The following ZNF577 variants were observed in gnomAD, a reference collection of about 807,000 sequenced individuals.
ZNF577 encodes the protein zinc finger protein 577.
Under a neutral mutation model 13.9 loss-of-function variants are expected in ZNF577, and 14 were observed. That is an observed-to-expected ratio of 1.00 (90% confidence interval 0.66 to 1.57). The LOEUF (loss-of-function observed/expected upper bound fraction) is 1.57, where lower values mean the gene tolerates loss of function less well. ZNF577 is among the 40% of genes most tolerant of loss of function. The pLI is 0.00. For synonymous variants in ZNF577, 203 were observed against 202.9 expected (o/e 1.00, Z 0.00); for missense variants, 555 against 579.2 (o/e 0.96, Z 0.43).
At chr19:51,828,479 T>G (rs2084243193) in intron 9 of ZNF577, among the ~76,000 whole-genome samples, 1 of 152,144 alleles carries the variant, frequency 6.6e-6, no homozygotes, top group Non-Finnish European at 1.5e-5. Context: ...CTTCCTCCAC[T>G]GCCAGGACAG....
intron 9 of ZNF577, among the ~76,000 whole-genome samples, chr19:51,817,115 A>G (rs2084142774): frequency 6.6e-6 from 1 of 152,180 alleles, no homozygotes; most frequent in Non-Finnish European, 1.5e-5. Context: ...GGTTTCTAAG[A>G]TGAGTAGTTT....
At chr19:51,883,731 T>C (rs1035108833) in intron 1 of ZNF577, among the ~76,000 whole-genome samples, 1 of 152,026 alleles carries the variant, frequency 6.6e-6, no homozygotes, top group African/African-American at 2.4e-5. Context: ...TAAAAGACAA[T>C]GATGAGATGA....
chr19:51,865,100 AT>A (rs905420722), downstream of ZNF577, among the ~76,000 whole-genome samples: 18 of 150,854 alleles, frequency 1.2e-4, no homozygotes, highest in Admixed American at 4.0e-4. Flanking sequence ...TTTCCCAAAG[AT>A]TTTTTTTTTC....
At chr19:51,878,550 T>A (rs759840935) in intron 3 of ZNF577, 35 bp from the exon 4 acceptor site, 1 of 1,611,804 alleles carries the variant, frequency 6.2e-7, no homozygotes, top group Non-Finnish European at 8.5e-7. Context: ...CTGAGGTGGA[T>A]AACAATAGAT....
At chr19:51,805,927 G>A (rs575821349) in intron 10 of ZNF577, among the ~76,000 whole-genome samples, 95 of 152,218 alleles carry the variant, frequency 6.2e-4, no homozygotes, top group African/African-American at 2.3e-3. Context: ...CCTAGCCCAG[G>A]GATGCAACCT....
At chr19:51,885,514 T>C (rs2122734198) in intron 1 of ZNF577, among the ~76,000 whole-genome samples, 1 of 152,338 alleles carries the variant, frequency 6.6e-6, no homozygotes, top group East Asian at 1.9e-4. Context: ...GTATATGCTC[T>C]ATTGACTTTT....
intron 5 of ZNF577, among the ~76,000 whole-genome samples, chr19:51,855,352 T>A (rs1436922668): frequency 6.9e-6 from 1 of 145,700 alleles, no homozygotes; most frequent in Non-Finnish European, 1.5e-5. Context: ...AGTTTTCCAC[T>A]CTTTGCTGAG....
At chr19:51,831,836 T>C (rs2084262542) in intron 9 of ZNF577, among the ~76,000 whole-genome samples, 1 of 152,224 alleles carries the variant, frequency 6.6e-6, no homozygotes. Flanking sequence ...TTCTCAAACA[T>C]ACCAAATCAT....
In ZNF577 at chr19:51,850,937, C is replaced by T. The variant is rs144862543; in HGVS notation, c.284-6006G>A. On this transcript the variant is annotated intron_variant and NMD_transcript_variant, in intron 5 of 10. Transcript: ENST00000638827. ...AAGATACAAAACATTGTGTATAGTA[C>T]GGTGTAGTTAGTAAGTTGAAGGTGA... 1.5e-3 allele frequency among the ~76,000 whole-genome samples: 224 copies of T among 152,134 alleles called. 1 individual carries two copies. The highest frequency in any genetic ancestry group is 5.2e-3 in the African/African-American group (215 of 41,482).
Position 51,868,391 on chromosome 19 carries a change from GC to G in ZNF577, c.*4140del, listed in dbSNP as rs1414348509. On this transcript the variant is annotated 3_prime_UTR_variant, in exon 6 of 6. Coordinates refer to ENST00000638348, the MANE Select transcript of ZNF577 (RefSeq NM_001370449.1). The stretch of plus-strand genomic sequence containing the variant: ...ACCCATGCCCTGAGTCCCCTCCCCA[GC>G]CTCCAACATGGGATCCATCTGGCCC... Among the ~76,000 whole-genome samples the G allele has an allele frequency of 5.9e-5, 9 of 152,188 alleles. No homozygotes were observed. The highest frequency in any genetic ancestry group is 2.1e-4 in the South Asian group (1 of 4,816).
intron 10 of ZNF577, among the ~76,000 whole-genome samples, chr19:51,808,878 C>T (rs1015198153): frequency 2.6e-5 from 4 of 152,200 alleles, no homozygotes; most frequent in African/African-American, 9.7e-5. Flanking sequence ...TTACTAGCTG[C>T]TGAAGTTGCA....
intron 5 of ZNF577, among the ~76,000 whole-genome samples, chr19:51,857,390 G>GAA (rs1420740583): frequency 8.6e-6 from 1 of 116,616 alleles, no homozygotes; most frequent in Non-Finnish European, 1.7e-5. Context: ...AAGAAAGAAA[G>GAA]AAAGAAAGAA....
chr19:51,848,302 C>T (rs773298017), intron 5 of ZNF577, among the ~76,000 whole-genome samples: 14 of 152,066 alleles, frequency 9.2e-5, no homozygotes, highest in Non-Finnish European at 1.6e-4. Context: ...AAGGTGAGGC[C>T]GTATTGAAAA....
At chr19:51,827,906 T>A (rs1164865764) in intron 9 of ZNF577, among the ~76,000 whole-genome samples, 1 of 151,862 alleles carries the variant, frequency 6.6e-6, no homozygotes, top group Non-Finnish European at 1.5e-5. Flanking sequence ...CTCACCCCAC[T>A]GCTTTACTCA....
At chr19:51,806,359 T>C (rs935126057) in intron 10 of ZNF577, among the ~76,000 whole-genome samples, 16 of 152,220 alleles carry the variant, frequency 1.1e-4, no homozygotes, top group African/African-American at 3.9e-4. Flanking sequence ...GGCCTTTCCA[T>C]TGTCCTTCTT....
chr19:51,816,439 G>C (rs2084137677), intron 9 of ZNF577, among the ~76,000 whole-genome samples: 1 of 152,186 alleles, frequency 6.6e-6, no homozygotes, highest in Non-Finnish European at 1.5e-5. Flanking sequence ...GTAGAGACAA[G>C]GTTTTGCCAC....
In ZNF577 at chr19:51,830,149, A is replaced by C. The variant is rs946095564; in HGVS notation, c.*599+9744T>G. On this transcript the variant is annotated intron_variant and NMD_transcript_variant, in intron 9 of 10. Coordinates refer to the ZNF577 transcript ENST00000638827. ...CTTCTAGTGTTTAAAAAAAAAAAAA[A>C]AAACAGAGGAAAGATGAAGCATTAA... 2.0e-5 allele frequency among the ~76,000 whole-genome samples: 3 copies of C among 149,852 alleles called. No homozygotes were observed. The South Asian group carries it at 6.3e-4, about 32-fold the overall frequency.
intron 1 of ZNF577, chr19:51,886,100 T>C (rs1599881373): frequency 6.6e-6 from 1 of 152,312 alleles, no homozygotes; most frequent in South Asian, 2.1e-4. Flanking sequence ...TATGATGTTT[T>C]TAAGATAATA....
chr19:51,815,034 T>G (rs1599837021), intron 9 of ZNF577, among the ~76,000 whole-genome samples: 1 of 146,242 alleles, frequency 6.8e-6, no homozygotes, highest in South Asian at 2.2e-4. Flanking sequence ...GGTCCTGAAC[T>G]CCCGACCTCA....
Sources: gnomAD v4.1 joint callset for allele counts (sites outside exome capture counted in the v4.1 genomes callset) on GRCh38, gnomAD v4.1.1 for gene constraint, MANE v1.5 for transcripts, NCBI Gene and HGNC (gene_info 2026-07-23, HGNC 2026-07-21) for gene names.